GMDS: variants seen among roughly 807,000 people sequenced by gnomAD.
GMDS encodes GDP-mannose 4,6 dehydratase.
In GMDS, 20 loss-of-function variants were observed where a neutral mutation model predicts 49.9. The ratio of observed to expected loss-of-function variants is 0.40; its 90% confidence interval spans 0.28 to 0.58. The LOEUF (loss-of-function observed/expected upper bound fraction) is 0.58, where lower values mean the gene tolerates loss of function less well. Among genes scored for constraint, GMDS ranks in the 20% least tolerant of loss-of-function variants. The probability of loss-of-function intolerance (pLI) is 0.42; values close to 1 mark genes in which losing one functional copy is unlikely to be tolerated. For synonymous variants in GMDS, 177 were observed against 178.6 expected (o/e 0.99, Z 0.07); for missense variants, 362 against 481.4 (o/e 0.75, Z 2.32).
intron 4 of GMDS, among the ~76,000 whole-genome samples, chr6:2,020,131 T>A (rs1768184691): frequency 1.3e-5 from 2 of 152,220 alleles, no homozygotes; most frequent in Non-Finnish European, 2.9e-5. Flanking sequence ...AAAACTGCTA[T>A]GAGCCTTAGG....
At chr6:1,704,429 C>T (rs907298756) in intron 9 of GMDS, among the ~76,000 whole-genome samples, 1 of 151,954 alleles carries the variant, frequency 6.6e-6, no homozygotes, top group Non-Finnish European at 1.5e-5. Context: ...TGAGCAAGAG[C>T]GTGTCTGTGA....
chr6:1,876,321 G>A (rs150048650), intron 7 of GMDS, among the ~76,000 whole-genome samples: 378 of 152,202 alleles, frequency 2.5e-3, no homozygotes, highest in Middle Eastern at 0.01. Flanking sequence ...TGCTATGCTC[G>A]GGAGCTGAAG....
intron 8 of GMDS, among the ~76,000 whole-genome samples, chr6:1,735,087 G>A (rs1197599507): frequency 6.6e-6 from 1 of 152,204 alleles, no homozygotes; most frequent in East Asian, 1.9e-4. Flanking sequence ...CTTCTGCTGT[G>A]TGGGGGAAGC....
chr6:1,749,344 T>C (rs1767634662), intron 7 of GMDS, among the ~76,000 whole-genome samples: 1 of 152,132 alleles, frequency 6.6e-6, no homozygotes, highest in African/African-American at 2.4e-5. Flanking sequence ...TCTTAGCACT[T>C]TGGGAGGCTG....
chr6:1,913,914 G>A (rs889432921), intron 7 of GMDS, among the ~76,000 whole-genome samples: 2 of 152,172 alleles, frequency 1.3e-5, no homozygotes, highest in African/African-American at 4.8e-5. Flanking sequence ...GCAAGCTTAA[G>A]TTTGCATTAT....
intron 6 of GMDS, among the ~76,000 whole-genome samples, chr6:1,955,104 T>C (rs193097137): frequency 6.6e-6 from 1 of 151,822 alleles, no homozygotes; most frequent in East Asian, 1.9e-4. Flanking sequence ...ACCTACAGAT[T>C]TGCTTAATGC....
At chr6:1,925,787 G>T (rs73718529) in intron 7 of GMDS, among the ~76,000 whole-genome samples, 16,412 of 152,174 alleles carry the variant, frequency 0.11, 941 homozygotes, top group South Asian at 0.18. Context: ...CTATGCCCAC[G>T]GACTAGGTGA....
chr6:1,879,924 A>C (rs1348164514), intron 7 of GMDS, among the ~76,000 whole-genome samples: 1 of 152,190 alleles, frequency 6.6e-6, no homozygotes, highest in Non-Finnish European at 1.5e-5. Flanking sequence ...GCAAGAACAC[A>C]TGACCTCGTC....
At position 1,658,205 on chromosome 6, in the gene GMDS, T is replaced by C. The variant is rs572023191; in HGVS notation, c.988-33665A>G. Among the ~76,000 whole-genome samples, 9 of 152,350 alleles carry C rather than the reference T, an allele frequency of 5.9e-5. No homozygotes were observed. The Middle Eastern group carries it at 0.01, about 173-fold the overall frequency. On this transcript the variant is annotated intron_variant, in intron 9 of 10. Transcript: ENST00000380815. ...ATGCCACTGTCCTTCCTACTGAAGGTGTCCACAGCATGATCTCTTCACCGG... is the reference window on the plus strand; with the variant it reads ...ATGCCACTGTCCTTCCTACTGAAGGCGTCCACAGCATGATCTCTTCACCGG...
At chr6:1,887,539 T>C (rs1435346220) in intron 7 of GMDS, among the ~76,000 whole-genome samples, 2 of 152,368 alleles carry the variant, frequency 1.3e-5, no homozygotes, top group East Asian at 1.9e-4. Flanking sequence ...TTTATTCTGT[T>C]ATGAATTTTC....
At chr6:1,645,163 T>C (rs1265292139) in intron 9 of GMDS, among the ~76,000 whole-genome samples, 1 of 152,008 alleles carries the variant, frequency 6.6e-6, no homozygotes, top group African/African-American at 2.4e-5. Context: ...CTCGAACTCC[T>C]GACCTCGTAA....
At chr6:1,707,684 G>A (rs1581487214) in intron 9 of GMDS, among the ~76,000 whole-genome samples, 1 of 152,112 alleles carries the variant, frequency 6.6e-6, no homozygotes, top group Non-Finnish European at 1.5e-5. Flanking sequence ...AGCCTGGCAT[G>A]GCCCACCACA....
chr6:1,832,304 T>C (rs1756690765), intron 7 of GMDS, among the ~76,000 whole-genome samples: 1 of 151,840 alleles, frequency 6.6e-6, no homozygotes, highest in Admixed American at 6.6e-5. Flanking sequence ...GTCTGGAAGC[T>C]CCTCGAACCC....
intron 4 of GMDS, among the ~76,000 whole-genome samples, chr6:2,059,707 C>CAAAAAAAAAAAA (rs35230658): frequency 0.12 from 2,128 of 17,654 alleles, 518 homozygotes; most frequent in Middle Eastern, 0.33. Flanking sequence ...GACTCCGTCT[C>CAAAAAAAAAAAA]AAAAAAAAAA....
At chr6:1,951,497 C>T (rs552290034) in intron 6 of GMDS, among the ~76,000 whole-genome samples, 23 of 152,264 alleles carry the variant, frequency 1.5e-4, no homozygotes, top group Non-Finnish European at 2.6e-4. Context: ...CAATCTCACA[C>T]GGTTAATTAT....
intron 4 of GMDS, among the ~76,000 whole-genome samples, chr6:1,975,883 G>C (rs1057274467): frequency 2.0e-5 from 3 of 152,188 alleles, no homozygotes; most frequent in African/African-American, 7.2e-5. Flanking sequence ...AGAATAAGCA[G>C]AGTAGAAAGC....
intron 7 of GMDS, among the ~76,000 whole-genome samples, chr6:1,916,901 T>A (rs1466161152): frequency 6.6e-6 from 1 of 151,246 alleles, no homozygotes; most frequent in African/African-American, 2.4e-5. Flanking sequence ...TTTTTGAAGA[T>A]AAGGATCAAA....
intron 9 of GMDS, among the ~76,000 whole-genome samples, chr6:1,629,869 C>T (rs1581387675): frequency 6.6e-6 from 1 of 152,162 alleles, no homozygotes; most frequent in Non-Finnish European, 1.5e-5. Context: ...TGCATCCATC[C>T]GTATGCATGC....
intron 7 of GMDS, among the ~76,000 whole-genome samples, chr6:1,830,262 A>G (rs752694229): frequency 2.6e-5 from 4 of 152,300 alleles, no homozygotes; most frequent in African/African-American, 9.6e-5. Context: ...GGATTTCCCA[A>G]CCTAGGCACT....
Sources: gnomAD v4.1 joint callset for allele counts (sites outside exome capture counted in the v4.1 genomes callset) on GRCh38, gnomAD v4.1.1 for gene constraint, MANE v1.5 for transcripts, NCBI Gene and HGNC (gene_info 2026-07-23, HGNC 2026-07-21) for gene names.